The following PTPRT variants were observed in gnomAD, a reference collection of about 807,000 sequenced individuals.
PTPRT encodes the protein protein tyrosine phosphatase receptor type T.
Under a neutral mutation model 176.8 loss-of-function variants are expected in PTPRT, and 56 were observed. The observed-to-expected ratio is 0.32, with a 90% CI of 0.26 to 0.40. PTPRT has a LOEUF of 0.40. PTPRT is among the 10% of genes least tolerant of loss of function. The pLI, the probability that PTPRT is intolerant of heterozygous loss-of-function variation, is 1.00. For missense variants in PTPRT, 1,540 were observed against 1,908.2 expected, an observed-to-expected ratio of 0.81 and a Z score of 3.60; for synonymous variants, 783 against 739.0, an observed-to-expected ratio of 1.06 and a Z score of -0.96.
intron 3 of PTPRT, among the ~76,000 whole-genome samples, chr20:42,788,525 G>A (rs1392600029): frequency 2.0e-5 from 3 of 152,164 alleles, no homozygotes; most frequent in South Asian, 4.1e-4. Flanking sequence ...CAAAGGAAAC[G>A]TGGTCCCAAA....
At chr20:42,507,009 C>G (rs1313550453) in intron 7 of PTPRT, among the ~76,000 whole-genome samples, 3 of 152,122 alleles carry the variant, frequency 2.0e-5, no homozygotes, top group Non-Finnish European at 4.4e-5. Flanking sequence ...GAAGTGCATT[C>G]AAATCTCAGC....
chr20:42,705,488 A>C (rs1202574641), intron 6 of PTPRT, among the ~76,000 whole-genome samples: 1 of 152,118 alleles, frequency 6.6e-6, no homozygotes, highest in Non-Finnish European at 1.5e-5. Context: ...GTACATTCAC[A>C]AGGAAAGGGA....
At chr20:42,516,046 T>C (rs1029462939) in intron 7 of PTPRT, among the ~76,000 whole-genome samples, 3 of 139,906 alleles carry the variant, frequency 2.1e-5, no homozygotes, top group African/African-American at 5.4e-5. Context: ...TAGGTGGGAA[T>C]TGAACAATGA....
chr20:42,109,553 A>C (rs1986827244), intron 23 of PTPRT, among the ~76,000 whole-genome samples: 1 of 152,164 alleles, frequency 6.6e-6, no homozygotes, highest in African/African-American at 2.4e-5. Flanking sequence ...GCAGGCTGGC[A>C]AGTGATCTTG....
chr20:42,188,694 CT>C (rs1225747649), intron 16 of PTPRT, among the ~76,000 whole-genome samples: 2 of 152,160 alleles, frequency 1.3e-5, no homozygotes, highest in East Asian at 3.9e-4. Context: ...GTCAACATCA[CT>C]TCTTTATCCC....
intron 2 of PTPRT, among the ~76,000 whole-genome samples, chr20:42,792,277 G>A (rs1260366447): frequency 2.0e-5 from 3 of 152,158 alleles, no homozygotes; most frequent in East Asian, 3.8e-4. Flanking sequence ...TAGAATAAAC[G>A]CTTATTGTTG....
intron 1 of PTPRT, among the ~76,000 whole-genome samples, chr20:43,050,526 G>A (rs892452944): frequency 2.6e-5 from 4 of 152,168 alleles, no homozygotes; most frequent in Non-Finnish European, 5.9e-5. Flanking sequence ...CTGGGCCAGT[G>A]GCTTTCTGCT....
At chr20:42,542,815 C>T (rs6102896) in intron 7 of PTPRT, among the ~76,000 whole-genome samples, 21,941 of 152,118 alleles carry the variant, frequency 0.14, 1,749 homozygotes, top group South Asian at 0.2. Context: ...TTAAAAAGCT[C>T]TTTATGTAAT....
At chr20:42,123,124 A>T (rs1987669876) in intron 19 of PTPRT, among the ~76,000 whole-genome samples, 4 of 152,166 alleles carry the variant, frequency 2.6e-5, no homozygotes, top group African/African-American at 9.7e-5. Flanking sequence ...TACATGTATG[A>T]ATGTTTTTGA....
At chr20:42,181,211 T>C (rs1277888663) in intron 16 of PTPRT, among the ~76,000 whole-genome samples, 2 of 152,112 alleles carry the variant, frequency 1.3e-5, no homozygotes, top group Admixed American at 1.3e-4. Flanking sequence ...GGCATGAAAT[T>C]GGAGAAGAGT....
rs183218628 is a variant in PTPRT at position 42,496,878 on chromosome 20, C to A, written c.1154-24316G>T. 2.4e-3 allele frequency among the ~76,000 whole-genome samples: 371 copies of A among 152,170 alleles called. 1 individual carries two copies. The highest frequency in any genetic ancestry group is 8.2e-3 in the African/African-American group (342 of 41,522). On this transcript the variant is annotated intron_variant, in intron 7 of 30. Coordinates refer to ENST00000373187, the MANE Select transcript of PTPRT (RefSeq NM_007050.6). ...CGTTGACAATGCATTCCATAGAATA[C>A]AATGTGTAATGAAACTTAAAGATCC...
At chr20:42,860,376 A>G (rs1449994483) in intron 2 of PTPRT, among the ~76,000 whole-genome samples, 2 of 152,200 alleles carry the variant, frequency 1.3e-5, no homozygotes, top group Admixed American at 6.5e-5. Context: ...TCTCTTTTCA[A>G]CATTTGCTTG....
intron 7 of PTPRT, among the ~76,000 whole-genome samples, chr20:42,489,945 A>G (rs532768479): frequency 1.3e-3 from 193 of 152,266 alleles, no homozygotes; most frequent in African/African-American, 4.3e-3. Context: ...GGTGGCATTC[A>G]GTTTTATTTT....
intron 1 of PTPRT, among the ~76,000 whole-genome samples, chr20:42,912,932 A>G (rs1482267631): frequency 2.6e-5 from 4 of 152,206 alleles, no homozygotes; most frequent in Admixed American, 1.3e-4. Context: ...GGCATAATTA[A>G]TGCTAGTGCT....
At chr20:42,183,672 A>T (rs6030033) in intron 16 of PTPRT, among the ~76,000 whole-genome samples, 94,135 of 152,004 alleles carry the variant, frequency 0.62, 30,008 homozygotes, top group African/African-American at 0.77. Flanking sequence ...ATAGCTTGTT[A>T]CCAGGATGAC....
intron 5 of PTPRT, among the ~76,000 whole-genome samples, chr20:42,766,881 C>T (rs191916141): frequency 6.6e-6 from 1 of 152,360 alleles, no homozygotes; most frequent in Admixed American, 6.5e-5. Flanking sequence ...AGTAGCACTG[C>T]TACACAGTAG....
intron 10 of PTPRT, 30 bp downstream of exon 10, chr20:42,352,054 T>G (rs751150271): frequency 1.6e-5 from 25 of 1,596,938 alleles, no homozygotes; most frequent in South Asian, 1.4e-4. Context: ...GAAACAACCT[T>G]TTTTCCTTTT....
intron 1 of PTPRT, among the ~76,000 whole-genome samples, chr20:43,067,482 A>C (rs1302489656): frequency 6.6e-6 from 1 of 152,188 alleles, no homozygotes; most frequent in East Asian, 1.9e-4. Flanking sequence ...TGTGAATTTA[A>C]CCTCAATACA....
intron 27 of PTPRT, among the ~76,000 whole-genome samples, chr20:42,088,559 C>A (rs1984266415): frequency 6.6e-6 from 1 of 152,208 alleles, no homozygotes; most frequent in African/African-American, 2.4e-5. Context: ...CAAGTTCTAG[C>A]TTAGGAATAT....
Sources: gnomAD v4.1 joint callset for allele counts (sites outside exome capture counted in the v4.1 genomes callset) on GRCh38, gnomAD v4.1.1 for gene constraint, MANE v1.5 for transcripts, NCBI Gene and HGNC (gene_info 2026-07-23, HGNC 2026-07-21) for gene names.